Variants in CLVS2 observed in about 807,000 individuals in gnomAD.
The protein encoded by CLVS2 is clavesin 2.
In CLVS2, 19 loss-of-function variants were observed where a neutral mutation model predicts 29.0. The ratio of observed to expected loss-of-function variants is 0.66; its 90% CI spans 0.46 to 0.96. CLVS2 has a LOEUF of 0.96. CLVS2 is among the 40% of genes least tolerant of loss of function. The probability of loss-of-function intolerance (pLI) is 0.00; values close to 1 mark genes in which losing one functional copy is unlikely to be tolerated. For missense variants in CLVS2, 294 were observed against 404.1 expected, an observed-to-expected ratio of 0.73 and a Z score of 2.34; for synonymous variants, 161 against 151.3, an observed-to-expected ratio of 1.06 and a Z score of -0.47.
chr6:123,050,680 G>A (rs1252366857), intron 4 of CLVS2, among the ~76,000 whole-genome samples: 1 of 152,062 alleles, frequency 6.6e-6, no homozygotes, highest in Non-Finnish European at 1.5e-5. Context: ...ATGGGATAGG[G>A]GGGACTGCTT....
At chr6:123,001,374 A>G (rs1400206813) in intron 2 of CLVS2, among the ~76,000 whole-genome samples, 1 of 152,190 alleles carries the variant, frequency 6.6e-6, no homozygotes, top group Non-Finnish European at 1.5e-5. Flanking sequence ...CCTAATATTT[A>G]CAGTGTACCC....
intron 3 of CLVS2, among the ~76,000 whole-genome samples, chr6:123,019,168 T>G (rs1403561726): frequency 6.6e-6 from 1 of 152,036 alleles, no homozygotes; most frequent in East Asian, 1.9e-4. Flanking sequence ...TGCATTCCAC[T>G]GGCTAGAACT....
intron 5 of CLVS2, among the ~76,000 whole-genome samples, chr6:123,062,713 A>T (rs972752813): frequency 1.3e-5 from 2 of 151,944 alleles, no homozygotes; most frequent in South Asian, 4.1e-4. Flanking sequence ...TTGCATGTGC[A>T]GTTGTGTTTT....
chr6:123,072,179 A>T lies in CLVS2; in HGVS notation c.*8418A>T, dbSNP rs1298023380. 6.6e-6 allele frequency: 1 copy of T among 152,046 alleles called. No individual in the cohort carries two copies. Among genetic ancestry groups the T allele is most frequent in the Non-Finnish European group, 1.5e-5 (1 of 67,966 alleles). 9.4% of individuals were successfully genotyped at this position (152,046 alleles called of 1,614,324 possible). A position where few individuals can be genotyped will look rare whatever the true frequency, so the allele number is the denominator to read the frequency against. On this transcript the variant is annotated 3_prime_UTR_variant, in exon 6 of 6. Coordinates refer to ENST00000275162, the MANE Select transcript of CLVS2 (RefSeq NM_001010852.4). Reference sequence around the variant, plus strand: ...GTTGTGCCTTTCCCAACACTGTAATAATTTAAGCCTCCTGTTTTATAATCT... The same window carrying T: ...GTTGTGCCTTTCCCAACACTGTAATTATTTAAGCCTCCTGTTTTATAATCT...
In CLVS2 at chr6:122,997,582, GC is replaced by G. The variant is rs949735203; in HGVS notation, c.-189del. On this transcript the variant is annotated 5_prime_UTR_variant, in exon 2 of 6. The change abolishes the stop of an existing upstream ORF in the 5' untranslated region. Coordinates refer to ENST00000275162, the MANE Select transcript of CLVS2 (RefSeq NM_001010852.4). Reference sequence around the variant, plus strand: ...CAGAGGAAGAAGTTTACACCCCCCGGCCCCCCCAGCTTTGCTGGGGGAAAGC... The same window carrying G: ...CAGAGGAAGAAGTTTACACCCCCCGGCCCCCCAGCTTTGCTGGGGGAAAGC... 24 of 610,740 alleles carry G rather than the reference GC, an allele frequency of 3.9e-5. No homozygotes were observed. The highest frequency in any genetic ancestry group is 5.2e-5 in the Non-Finnish European group (18 of 342,860). The allele number at this position is 610,740 out of a possible 1,614,324, so 37.8% of individuals were successfully genotyped here. A position where few individuals can be genotyped will look rare whatever the true frequency, so the allele number is the denominator to read the frequency against.
intron 3 of CLVS2, among the ~76,000 whole-genome samples, chr6:123,027,092 G>A (rs1228698809): frequency 1.3e-5 from 2 of 152,128 alleles, no homozygotes; most frequent in African/African-American, 2.4e-5. Flanking sequence ...GCTGTCTGAT[G>A]TGAAGAGTTG....
At position 123,055,862 on chromosome 6, in the gene CLVS2, C is replaced by A; in HGVS notation, c.732C>A (p.Ile244=). 1 of 1,614,064 alleles carries A rather than the reference C, an allele frequency of 6.2e-7. No homozygotes were observed. Among genetic ancestry groups the A allele is most frequent in the Non-Finnish European group, 8.5e-7 (1 of 1,179,984 alleles). ...NSLHQLIHPE[I]LPSEFGGMLP... is the part of the protein sequence containing the mutation. ...TACACCAACTAATTCATCCTGAGAT[C>A]CTGCCCTCTGAGTTTGGAGGAATGC... Residue 244 remains isoleucine (I), a synonymous_variant, in exon 5 of 6, where the codon ATC becomes ATA. Coordinates refer to ENST00000275162, the MANE Select transcript of CLVS2 (RefSeq NM_001010852.4).
rs919639478 is a variant in CLVS2, at chr6:123,072,682, T to A, written c.*8921T>A. Reference sequence around the variant, plus strand: ...ATCCTATAGTTCATGTTCTCTTAGGTTGAATTTTCTTTTCATAATTTTTTA... The same window carrying A: ...ATCCTATAGTTCATGTTCTCTTAGGATGAATTTTCTTTTCATAATTTTTTA... On this transcript the variant is annotated 3_prime_UTR_variant, in exon 6 of 6. Transcript: ENST00000275162. 1.3e-5 allele frequency: 2 copies of A among 152,138 alleles called. No individual in the cohort carries two copies. The highest frequency in any genetic ancestry group is 4.8e-5 in the African/African-American group (2 of 41,442). 9.4% of individuals were successfully genotyped at this position (152,138 alleles called of 1,614,324 possible).
chr6:123,030,969 GT>G (rs1775075994), intron 3 of CLVS2, among the ~76,000 whole-genome samples: 1 of 151,640 alleles, frequency 6.6e-6, no homozygotes, highest in East Asian at 1.9e-4. Context: ...GTTTCACTCT[GT>G]TGCCCAGGCT....
rs922000054 is a variant in CLVS2, at chr6:123,035,545, T to C, written c.565-13077T>C. Among the ~76,000 whole-genome samples, 8 of 152,176 alleles carry C rather than the reference T, an allele frequency of 5.3e-5. 1 individual carries two copies. The highest frequency in any genetic ancestry group is 1.3e-4 in the Admixed American group (2 of 15,250). ...GAGCTACACTATCTATTCTAAAAAG[T>C]AGAGATTAGGTTTCAAAAAAAAATG... On this transcript the variant is annotated intron_variant, in intron 3 of 5. Coordinates refer to ENST00000275162, the MANE Select transcript of CLVS2 (RefSeq NM_001010852.4).
intron 2 of CLVS2, among the ~76,000 whole-genome samples, chr6:123,005,100 A>C (rs1486372644): frequency 6.6e-6 from 1 of 152,160 alleles, no homozygotes; most frequent in African/African-American, 2.4e-5. Context: ...TTTAAAGCAA[A>C]CTGTTTAATT....
intron 4 of CLVS2, 68 bp from the exon 5 acceptor site, chr6:123,055,737 CT>C (rs1241046256): frequency 1.8e-6 from 2 of 1,108,902 alleles, no homozygotes; most frequent in African/African-American, 3.1e-5. Context: ...CACATCCCCC[CT>C]GTAGGATTTA....
chr6:123,068,763 G>A lies in CLVS2; in HGVS notation c.*5002G>A, dbSNP rs1459324746. On this transcript the variant is annotated 3_prime_UTR_variant, in exon 6 of 6. Coordinates refer to ENST00000275162, the MANE Select transcript of CLVS2 (RefSeq NM_001010852.4). ...CAAACTACTTATTTAGTACTACACG[G>A]CATTTACTATTTGGCCTTTTGAAGG... 2.0e-5 allele frequency: 3 copies of A among 151,462 alleles called. No homozygotes were observed. Among genetic ancestry groups the A allele is most frequent in the East Asian group, 1.9e-4 (1 of 5,186 alleles). The allele number at this position is 151,462 out of a possible 1,614,324, so 9.4% of individuals were successfully genotyped here. A position where few individuals can be genotyped will look rare whatever the true frequency, so the allele number is the denominator to read the frequency against.
rs9490647 is a variant in CLVS2 at position 123,071,662 on chromosome 6, G to T, written c.*7901G>T. On this transcript the variant is annotated 3_prime_UTR_variant, in exon 6 of 6. Coordinates refer to ENST00000275162, the MANE Select transcript of CLVS2 (RefSeq NM_001010852.4). Reference sequence around the variant, plus strand: ...TATGTAGTTACTTTTAATGGAAAGGGGAAGAAGAGGAAGAAAAAGGAAAGA... The same window carrying T: ...TATGTAGTTACTTTTAATGGAAAGGTGAAGAAGAGGAAGAAAAAGGAAAGA... 6.6e-6 allele frequency: 1 copy of T among 151,848 alleles called. No homozygotes were observed. Among genetic ancestry groups the T allele is most frequent in the East Asian group, 1.9e-4 (1 of 5,178 alleles). The allele number at this position is 151,848 out of a possible 1,614,324, so 9.4% of individuals were successfully genotyped here.
chr6:123,055,641 T>C (rs529557482), intron 4 of CLVS2, among the ~76,000 whole-genome samples, 165 bp from the exon 5 acceptor site: 1 of 152,332 alleles, frequency 6.6e-6, no homozygotes, highest in Admixed American at 6.5e-5. Flanking sequence ...AGGATAACAG[T>C]ACCAGCTCTG....
At chr6:123,037,059 T>C (rs1775164200) in intron 3 of CLVS2, among the ~76,000 whole-genome samples, 1 of 152,202 alleles carries the variant, frequency 6.6e-6, no homozygotes, top group African/African-American at 2.4e-5. Context: ...ATGAATCTTT[T>C]ATTTTTTATT....
chr6:123,052,904 G>A (rs1772634168), intron 4 of CLVS2, among the ~76,000 whole-genome samples: 1 of 149,710 alleles, frequency 6.7e-6, no homozygotes, highest in Non-Finnish European at 1.5e-5. Flanking sequence ...AAAGGGGCCT[G>A]GATTCAAGAC....
rs545279255 is a variant in CLVS2, at chr6:123,065,803, T to C, written c.*2042T>C. On this transcript the variant is annotated 3_prime_UTR_variant, in exon 6 of 6. Transcript: ENST00000275162. The stretch of plus-strand genomic sequence containing the variant: ...ATTCTCATGAGTTTCTCTTGATGTG[T>C]ACCATTTATTGCCAGTTTTCAGAAT... 2 of 151,954 alleles carry C rather than the reference T, an allele frequency of 1.3e-5. No individual in the cohort carries two copies. The highest frequency in any genetic ancestry group is 3.9e-4 in the East Asian group (2 of 5,182). The allele number at this position is 151,954 out of a possible 1,614,324, so 9.4% of individuals were successfully genotyped here.
intron 3 of CLVS2, among the ~76,000 whole-genome samples, chr6:123,046,146 G>A (rs938425483): frequency 6.6e-6 from 1 of 152,172 alleles, no homozygotes; most frequent in Non-Finnish European, 1.5e-5. Flanking sequence ...CACTAAGCCA[G>A]AATTTTAAGC....
Sources: allele counts gnomAD v4.1 joint callset (sites outside exome capture counted in the v4.1 genomes callset), GRCh38; gene constraint gnomAD v4.1.1; transcripts MANE v1.5; gene names NCBI Gene and HGNC (gene_info 2026-07-23, HGNC 2026-07-21).